PTPRD: variants seen among roughly 807,000 people sequenced by gnomAD.
PTPRD encodes the protein protein tyrosine phosphatase receptor type D.
A neutral mutation model predicts 214.5 loss-of-function variants in PTPRD; 34 were observed. That is an observed-to-expected ratio of 0.16 (90% confidence interval 0.12 to 0.21). The LOEUF is 0.21. Among genes scored for constraint, PTPRD ranks in the 10% least tolerant of loss-of-function variants. The pLI is 1.00. For synonymous variants in PTPRD, 1,128 were observed against 845.7 expected, an observed-to-expected ratio of 1.33 and a Z score of -5.79; for missense variants, 2,545 against 2,398.7, an observed-to-expected ratio of 1.06 and a Z score of -1.27.
intron 3 of PTPRD, among the ~76,000 whole-genome samples, chr9:10,154,796 A>G (rs118016545): frequency 0.013 from 1,940 of 151,898 alleles, 23 homozygotes; most frequent in Non-Finnish European, 0.021. Context: ...ATACTGTTTC[A>G]TTGGTCTATA....
At chr9:8,923,546 C>G (rs1288373551) in intron 11 of PTPRD, among the ~76,000 whole-genome samples, 1 of 152,032 alleles carries the variant, frequency 6.6e-6, no homozygotes. Flanking sequence ...AATTCACCAG[C>G]AAGACGTACA....
chr9:8,339,068 T>C (rs781125746), intron 42 of PTPRD, 21 bp from the exon 43 acceptor site: 2 of 1,605,482 alleles, frequency 1.2e-6, no homozygotes, highest in South Asian at 2.2e-5. Flanking sequence ...AGAAGATTAA[T>C]GTTAAACTAT....
intron 44 of PTPRD, among the ~76,000 whole-genome samples, chr9:8,328,874 C>T (rs1200013754): frequency 6.6e-6 from 1 of 152,010 alleles, no homozygotes; most frequent in Non-Finnish European, 1.5e-5. Context: ...TTTTCAGCTC[C>T]ATCAGGTCAT....
At chr9:10,236,385 T>TA (rs2099628957) in intron 3 of PTPRD, among the ~76,000 whole-genome samples, 1 of 151,982 alleles carries the variant, frequency 6.6e-6, no homozygotes, top group South Asian at 2.1e-4. Flanking sequence ...CAGTTAGGCT[T>TA]AAAATGGATG....
chr9:8,865,296 G>T (rs1024929643), intron 11 of PTPRD, among the ~76,000 whole-genome samples: 3 of 152,116 alleles, frequency 2.0e-5, no homozygotes, highest in Non-Finnish European at 4.4e-5. Flanking sequence ...TTTCTACTTG[G>T]TGTACATACT....
chr9:10,603,950 G>T (rs1422449719), intron 2 of PTPRD, among the ~76,000 whole-genome samples: 1 of 151,816 alleles, frequency 6.6e-6, no homozygotes, highest in Non-Finnish European at 1.5e-5. Flanking sequence ...TAAGAGAAAT[G>T]CACAATACAG....
chr9:8,677,928 G>C (rs1166026982), intron 12 of PTPRD, among the ~76,000 whole-genome samples: 1 of 152,088 alleles, frequency 6.6e-6, no homozygotes, highest in Non-Finnish European at 1.5e-5. Context: ...GGGGGTCTTG[G>C]TGCCTTTTGT....
chr9:8,458,220 G>T (rs1458672404), intron 33 of PTPRD, among the ~76,000 whole-genome samples: 1 of 152,044 alleles, frequency 6.6e-6, no homozygotes, highest in African/African-American at 2.4e-5. Flanking sequence ...CTTTTTGTGG[G>T]ATTAGGAAAA....
intron 3 of PTPRD, among the ~76,000 whole-genome samples, chr9:10,169,079 A>C (rs531568485): frequency 1.3e-4 from 20 of 152,286 alleles, no homozygotes; most frequent in South Asian, 1.0e-3. Flanking sequence ...GAATGGAGAG[A>C]TAATCCTGAA....
At chr9:8,481,893 C>T (rs1432654159) in intron 30 of PTPRD, among the ~76,000 whole-genome samples, 2 of 152,126 alleles carry the variant, frequency 1.3e-5, no homozygotes, top group Admixed American at 6.5e-5. Context: ...AGCGATTCTC[C>T]CGCCTCAGTC....
chr9:9,848,967 C>G (rs1241906913), intron 5 of PTPRD, among the ~76,000 whole-genome samples: 2 of 152,058 alleles, frequency 1.3e-5, no homozygotes, highest in East Asian at 3.9e-4. Context: ...ATCCAACATA[C>G]TTCCTAAACA....
chr9:9,503,040 G>A (rs933253825), intron 8 of PTPRD, among the ~76,000 whole-genome samples: 5 of 151,786 alleles, frequency 3.3e-5, no homozygotes, highest in African/African-American at 1.2e-4. Flanking sequence ...ATCAAATTGT[G>A]TCAAGGTCTG....
chr9:9,735,341 T>C (rs141035881), intron 6 of PTPRD, among the ~76,000 whole-genome samples: 9 of 152,256 alleles, frequency 5.9e-5, no homozygotes, highest in South Asian at 2.1e-4. Context: ...ATAAAGGAGA[T>C]TATTCTTTAA....
chr9:10,430,447 T>C lies in PTPRD; in HGVS notation c.-599-89430A>G, dbSNP rs538152297. Among the ~76,000 whole-genome samples, 3 of 152,072 alleles carry C rather than the reference T, an allele frequency of 2.0e-5. No individual in the cohort carries two copies. In the South Asian group the frequency reaches 6.2e-4, roughly 31 times the overall value. On this transcript the variant is annotated intron_variant, in intron 2 of 45. Coordinates refer to ENST00000381196, the MANE Select transcript of PTPRD (RefSeq NM_002839.4). ...AGATAGATAGATACGTATGTATGTATATAATGAAAATAAATTCAATTTGAA... is the reference window on the plus strand; with the variant it reads ...AGATAGATAGATACGTATGTATGTACATAATGAAAATAAATTCAATTTGAA...
At chr9:8,336,628 C>A (rs1351298675) in intron 43 of PTPRD, among the ~76,000 whole-genome samples, 502 of 114,344 alleles carry the variant, frequency 4.4e-3, no homozygotes, top group Admixed American at 5.6e-3. Flanking sequence ...TTCTGCAGAG[C>A]AAAAAAAAAA....
intron 11 of PTPRD, among the ~76,000 whole-genome samples, chr9:8,968,387 C>T (rs895543755): frequency 1.3e-5 from 2 of 151,788 alleles, no homozygotes; most frequent in African/African-American, 2.4e-5. Context: ...TAAAAGTGTT[C>T]CTATTTCTCC....
intron 3 of PTPRD, among the ~76,000 whole-genome samples, chr9:10,223,639 C>T (rs535873685): frequency 6.7e-6 from 1 of 149,892 alleles, no homozygotes; most frequent in Non-Finnish European, 1.5e-5. Context: ...CACTGCACTC[C>T]AGCTTGGGTG....
intron 11 of PTPRD, among the ~76,000 whole-genome samples, chr9:8,921,601 C>A (rs991768061): frequency 1.3e-5 from 2 of 151,968 alleles, no homozygotes; most frequent in African/African-American, 4.8e-5. Flanking sequence ...TAAAGTGATT[C>A]TCCCAACTTA....
At chr9:8,360,105 G>C (rs1449344687) in intron 39 of PTPRD, among the ~76,000 whole-genome samples, 2 of 152,158 alleles carry the variant, frequency 1.3e-5, no homozygotes, top group Non-Finnish European at 2.9e-5. Context: ...AAAATGACGA[G>C]ATATAGTTAC....
Sources: allele counts gnomAD v4.1 joint callset (sites outside exome capture counted in the v4.1 genomes callset), GRCh38; gene constraint gnomAD v4.1.1; transcripts MANE v1.5; gene names NCBI Gene and HGNC (gene_info 2026-07-23, HGNC 2026-07-21).